The following NOS1AP variants were observed in gnomAD, a reference collection of about 807,000 sequenced individuals.
NOS1AP encodes the protein carboxyl-terminal PDZ ligand of neuronal nitric oxide synthase protein.
NOS1AP carries 21 observed loss-of-function variants against 56.2 expected under a neutral mutation model. The ratio of observed to expected loss-of-function variants is 0.37; its 90% confidence interval spans 0.26 to 0.54. The LOEUF (loss-of-function observed/expected upper bound fraction) is 0.54, where lower values mean the gene tolerates loss of function less well. Among genes scored for constraint, NOS1AP ranks in the 20% least tolerant of loss-of-function variants. The pLI is 0.84. For synonymous variants in NOS1AP, 270 were observed against 274.6 expected, an observed-to-expected ratio of 0.98 and a Z score of 0.17; for missense variants, 522 against 657.8, an observed-to-expected ratio of 0.79 and a Z score of 2.26.
At chr1:162,104,000 A>G (rs941263101) in intron 1 of NOS1AP, among the ~76,000 whole-genome samples, 79 of 152,316 alleles carry the variant, frequency 5.2e-4, no homozygotes, top group Middle Eastern at 3.4e-3. Context: ...GCTTCATAGT[A>G]TCACTGGTCT....
At chr1:162,080,589 GGAGA>G (rs1166875766) in intron 1 of NOS1AP, among the ~76,000 whole-genome samples, 1 of 152,174 alleles carries the variant, frequency 6.6e-6, no homozygotes, top group African/African-American at 2.4e-5. Flanking sequence ...AGTGTGTTGG[GGAGA>G]GAGAAAGGAG....
At chr1:162,202,711 T>C (rs1442690211) in intron 2 of NOS1AP, among the ~76,000 whole-genome samples, 2 of 152,240 alleles carry the variant, frequency 1.3e-5, no homozygotes, top group Non-Finnish European at 2.9e-5. Flanking sequence ...TTTAAACTGT[T>C]GAGATATATA....
At chr1:162,326,763 A>T (rs1445163540) in intron 4 of NOS1AP, among the ~76,000 whole-genome samples, 1 of 152,202 alleles carries the variant, frequency 6.6e-6, no homozygotes, top group Non-Finnish European at 1.5e-5. Flanking sequence ...ATCAGGCAGG[A>T]GGCATTCCCT....
At position 162,175,436 on chromosome 1, in the gene NOS1AP, T is replaced by G. The variant is rs138445589; in HGVS notation, c.177+20960T>G. On this transcript the variant is annotated intron_variant, in intron 2 of 9. Coordinates refer to ENST00000361897, the MANE Select transcript of NOS1AP (RefSeq NM_014697.3). ...GTTTTAATGTGGCTGCTAAAAACTCTTTGATTTGGCTCTTGTATCCCCTTG... is the reference window on the plus strand; with the variant it reads ...GTTTTAATGTGGCTGCTAAAAACTCGTTGATTTGGCTCTTGTATCCCCTTG... Among the ~76,000 whole-genome samples, 338 of 152,376 alleles carry G rather than the reference T, an allele frequency of 2.2e-3. 3 individuals are homozygous for G. The highest frequency in any genetic ancestry group is 7.6e-3 in the African/African-American group (316 of 41,586).
chr1:162,227,412 AC>A (rs1372022320), intron 2 of NOS1AP, among the ~76,000 whole-genome samples: 8 of 152,202 alleles, frequency 5.3e-5, no homozygotes, highest in Non-Finnish European at 2.9e-5. Context: ...AATCTTAGAA[AC>A]CAAGAATGGG....
chr1:162,075,893 AT>A (rs1691756084), intron 1 of NOS1AP, among the ~76,000 whole-genome samples: 1 of 152,092 alleles, frequency 6.6e-6, no homozygotes, highest in South Asian at 2.1e-4. Context: ...CACACCTGGT[AT>A]CTTGGGATTT....
At chr1:162,351,616 A>AC (rs1657497585) in intron 6 of NOS1AP, among the ~76,000 whole-genome samples, 1 of 152,010 alleles carries the variant, frequency 6.6e-6, no homozygotes, top group African/African-American at 2.4e-5. Flanking sequence ...CTGAATCTTC[A>AC]CCCAAATTAT....
chr1:162,325,056 C>T (rs1293226808), intron 4 of NOS1AP, among the ~76,000 whole-genome samples: 1 of 152,130 alleles, frequency 6.6e-6, no homozygotes, highest in African/African-American at 2.4e-5. Context: ...AGTTTATTAC[C>T]CTTCTTTTTT....
chr1:162,107,922 T>C (rs1461558799), intron 1 of NOS1AP, among the ~76,000 whole-genome samples: 1 of 152,318 alleles, frequency 6.6e-6, no homozygotes, highest in East Asian at 1.9e-4. Context: ...CAACGAATTA[T>C]ATTTATAGGA....
intron 1 of NOS1AP, among the ~76,000 whole-genome samples, chr1:162,128,643 G>C (rs1005204125): frequency 6.6e-6 from 1 of 152,028 alleles, no homozygotes; most frequent in African/African-American, 2.4e-5. Flanking sequence ...ATAGAGGATA[G>C]ATTTTCCTAT....
At chr1:162,352,474 A>AGG (rs1657546576) in intron 6 of NOS1AP, among the ~76,000 whole-genome samples, 1 of 151,246 alleles carries the variant, frequency 6.6e-6, no homozygotes, top group African/African-American at 2.4e-5. Flanking sequence ...TCTTTAGGCC[A>AGG]GGCCTTTTTC....
chr1:162,256,492 C>T (rs563752721), intron 2 of NOS1AP, among the ~76,000 whole-genome samples: 1 of 152,200 alleles, frequency 6.6e-6, no homozygotes, highest in Admixed American at 6.5e-5. Context: ...TTACTGTCTC[C>T]TTTCAGACTG....
intron 3 of NOS1AP, among the ~76,000 whole-genome samples, chr1:162,299,690 C>G (rs1391145167): frequency 2.0e-5 from 3 of 152,042 alleles, no homozygotes; most frequent in Admixed American, 6.6e-5. Flanking sequence ...TGTTTTTAAA[C>G]CAGTCTAAAA....
chr1:162,239,567 A>G (rs1001367644), intron 2 of NOS1AP, among the ~76,000 whole-genome samples: 2 of 152,332 alleles, frequency 1.3e-5, no homozygotes, highest in East Asian at 1.9e-4. Context: ...GCTTATATTC[A>G]GTTAAGCAAA....
intron 2 of NOS1AP, among the ~76,000 whole-genome samples, chr1:162,252,360 G>T (rs1223454620): frequency 6.6e-6 from 1 of 152,152 alleles, no homozygotes; most frequent in Admixed American, 6.6e-5. Flanking sequence ...CCAGGGGGTG[G>T]ATTCTGAGAT....
intron 8 of NOS1AP, 85 bp from the exon 9 acceptor site, chr1:162,365,319 G>A (rs377447038): frequency 1.3e-5 from 21 of 1,602,626 alleles, no homozygotes; most frequent in Admixed American, 3.4e-5. Flanking sequence ...CTCTGGTCCC[G>A]GCCATCTGCC....
chr1:162,282,514 G>A (rs918917671), intron 2 of NOS1AP, among the ~76,000 whole-genome samples: 2 of 152,160 alleles, frequency 1.3e-5, no homozygotes, highest in Non-Finnish European at 2.9e-5. Flanking sequence ...CTGTGAACAT[G>A]GGTATACTCA....
chr1:162,075,198 C>G (rs1479408896), intron 1 of NOS1AP, among the ~76,000 whole-genome samples: 1 of 152,124 alleles, frequency 6.6e-6, no homozygotes, highest in African/African-American at 2.4e-5. Flanking sequence ...GGTGTATCTC[C>G]CCCTCCCAAG....
intron 2 of NOS1AP, among the ~76,000 whole-genome samples, chr1:162,163,801 C>T (rs879268156): frequency 6.6e-6 from 1 of 152,136 alleles, no homozygotes; most frequent in Non-Finnish European, 1.5e-5. Flanking sequence ...AGGAGAATCA[C>T]ACCTCAGGAG....
Sources: gnomAD v4.1 joint callset for allele counts (sites outside exome capture counted in the v4.1 genomes callset) on GRCh38, gnomAD v4.1.1 for gene constraint, MANE v1.5 for transcripts, NCBI Gene and HGNC (gene_info 2026-07-23, HGNC 2026-07-21) for gene names.